PTGER3: variants seen among roughly 807,000 people sequenced by gnomAD.
The protein encoded by PTGER3 is prostaglandin E receptor 3.
Under a neutral mutation model 34.7 loss-of-function variants are expected in PTGER3, and 22 were observed. The observed-to-expected ratio is 0.63, with a 90% confidence interval of 0.45 to 0.91. The LOEUF is 0.91. PTGER3 is among the 40% of genes least tolerant of loss of function. The pLI, the probability that PTGER3 is intolerant of heterozygous loss-of-function variation, is 0.00. For missense variants in PTGER3, 468 were observed against 519.4 expected (o/e 0.90, Z 0.96); for synonymous variants, 241 against 230.1 (o/e 1.05, Z -0.43).
At chr1:70,994,056 C>A (rs1655705352) in intron 2 of PTGER3, among the ~76,000 whole-genome samples, 1 of 152,202 alleles carries the variant, frequency 6.6e-6, no homozygotes, top group Non-Finnish European at 1.5e-5. Context: ...CGGCCAAAGG[C>A]TGCTCTGCTC....
chr1:70,853,096 C>CA (rs1645718348), intron 4 of PTGER3, among the ~76,000 whole-genome samples: 1 of 152,070 alleles, frequency 6.6e-6, no homozygotes, highest in Non-Finnish European at 1.5e-5. Context: ...AATTTTTCTA[C>CA]AAACATCTAC....
intron 4 of PTGER3, among the ~76,000 whole-genome samples, chr1:70,946,864 G>A (rs1304828264): frequency 1.3e-5 from 2 of 152,032 alleles, no homozygotes; most frequent in African/African-American, 2.4e-5. Flanking sequence ...TTATGTTCCC[G>A]GTTCTGCTAT....
At chr1:70,928,684 T>A (rs567174123) in intron 4 of PTGER3, among the ~76,000 whole-genome samples, 2 of 152,162 alleles carry the variant, frequency 1.3e-5, no homozygotes, top group East Asian at 1.9e-4. Flanking sequence ...CTTTCTATTC[T>A]TGGGAAAAGG....
chr1:71,024,237 A>G (rs1172385205), intron 1 of PTGER3, among the ~76,000 whole-genome samples: 2 of 152,174 alleles, frequency 1.3e-5, no homozygotes, highest in Non-Finnish European at 2.9e-5. Flanking sequence ...TGGATCTTTA[A>G]GTCTTAAAAC....
At position 70,974,422 on chromosome 1, in the gene PTGER3, C is replaced by T. The variant is rs751270495; in HGVS notation, c.1078-34G>A. ...AGACAGAGGATTTCACAGGACACTT[C>T]CTTGAGTATTTTTAAAGAAAAGCAA... On this transcript the variant is annotated intron_variant, in intron 2 of 3. Coordinates refer to ENST00000306666, the MANE Select transcript of PTGER3 (RefSeq NM_198719.2). 1.1e-5 allele frequency: 9 copies of T among 833,536 alleles called. No individual in the cohort carries two copies. In the South Asian group the frequency reaches 1.2e-4, roughly 11 times the overall value. The allele number at this position is 833,536 out of a possible 1,614,324, so 51.6% of individuals were successfully genotyped here. A position where few individuals can be genotyped will look rare whatever the true frequency, so the allele number is the denominator to read the frequency against.
At chr1:70,984,724 C>A (rs1450815940) in intron 2 of PTGER3, among the ~76,000 whole-genome samples, 2 of 151,744 alleles carry the variant, frequency 1.3e-5, no homozygotes, top group African/African-American at 2.4e-5. Context: ...GAGACCCTGT[C>A]TCTAGAAATA....
intron 4 of PTGER3, among the ~76,000 whole-genome samples, chr1:70,923,679 T>G (rs1434737625): frequency 2.0e-5 from 3 of 152,242 alleles, no homozygotes; most frequent in African/African-American, 7.2e-5. Flanking sequence ...TTGTTTTGTT[T>G]TTCAGAGTTA....
At chr1:70,866,384 C>T (rs1449211955) in intron 4 of PTGER3, among the ~76,000 whole-genome samples, 1 of 152,202 alleles carries the variant, frequency 6.6e-6, no homozygotes, top group Admixed American at 6.5e-5. Context: ...AAGTCCTAAT[C>T]TTATTTCAGA....
chr1:71,040,065 A>T (rs1660169202), intron 1 of PTGER3, among the ~76,000 whole-genome samples: 1 of 151,600 alleles, frequency 6.6e-6, no homozygotes, highest in Admixed American at 6.6e-5. Context: ...GAAAGAAAGA[A>T]AGAGAGGGAG....
intron 4 of PTGER3, among the ~76,000 whole-genome samples, chr1:70,924,413 A>G (rs1416799388): frequency 6.6e-6 from 1 of 152,118 alleles, no homozygotes; most frequent in Non-Finnish European, 1.5e-5. Context: ...TTGTTTTTAA[A>G]TGTGTTTCTG....
intron 4 of PTGER3, among the ~76,000 whole-genome samples, chr1:70,942,516 G>A (rs533527865): frequency 6.6e-6 from 1 of 152,056 alleles, no homozygotes; most frequent in Non-Finnish European, 1.5e-5. Flanking sequence ...GATAAGCAAT[G>A]CTCACTCTTG....
At chr1:70,912,500 TACTG>T (rs1647081797) in intron 4 of PTGER3, among the ~76,000 whole-genome samples, 1 of 152,086 alleles carries the variant, frequency 6.6e-6, no homozygotes, top group Non-Finnish European at 1.5e-5. Flanking sequence ...CTTTCTTTCC[TACTG>T]ACTATCATAT....
chr1:71,042,960 A>G (rs1660445130), intron 1 of PTGER3, among the ~76,000 whole-genome samples: 1 of 152,218 alleles, frequency 6.6e-6, no homozygotes, highest in Non-Finnish European at 1.5e-5. Flanking sequence ...CTCACTTTTC[A>G]TGATGTTCAT....
Position 70,972,274 on chromosome 1 carries a change from G to C in PTGER3, c.1170-541C>G, listed in dbSNP as rs367964436. Among the ~76,000 whole-genome samples, 163 of 152,238 alleles carry C rather than the reference G, an allele frequency of 1.1e-3. 1 individual carries two copies. The highest frequency in any genetic ancestry group is 3.8e-3 in the African/African-American group (159 of 41,528). ...GGAGGTGGAGGTTGCAGTGAGCCGA[G>C]ATCATGCCACTGCACTCCAGCCTGT... is the stretch of plus-strand genomic sequence containing the variant. On this transcript the variant is annotated intron_variant, in intron 3 of 3. Transcript: ENST00000306666.
In PTGER3 at chr1:71,008,593, G is replaced by T. The variant is rs185149882; in HGVS notation, c.1077+3712C>A. On this transcript the variant is annotated intron_variant, in intron 2 of 3. Transcript: ENST00000306666. Reference sequence around the variant, plus strand: ...GTTATTAAATTTTGTAAATTGGCTCGATCATAACCTATGTCATGAAACATC... The same window carrying T: ...GTTATTAAATTTTGTAAATTGGCTCTATCATAACCTATGTCATGAAACATC... 248 of 984,406 alleles carry T rather than the reference G, an allele frequency of 2.5e-4. 3 individuals carry two copies. The South Asian group carries it at 5.5e-3, about 22-fold the overall frequency. 61.0% of individuals were successfully genotyped at this position (984,406 alleles called of 1,614,324 possible). A position where few individuals can be genotyped will look rare whatever the true frequency, so the allele number is the denominator to read the frequency against.
At position 70,970,819 on chromosome 1, in the gene PTGER3, G is replaced by A; in HGVS notation, c.*911C>T. On this transcript the variant is annotated 3_prime_UTR_variant, in exon 4 of 4. Transcript: ENST00000306666. ...CCACAAAGTTTTTTATTTTAATACA[G>A]ACAAAATAGATTCTTTTATTTTATA... The A allele has an allele frequency of 1.1e-6, 1 of 886,386 alleles. No homozygotes were observed. The highest frequency in any genetic ancestry group is 1.4e-6 in the Non-Finnish European group (1 of 739,760). The allele number at this position is 886,386 out of a possible 1,614,324, so 54.9% of individuals were successfully genotyped here. A position where few individuals can be genotyped will look rare whatever the true frequency, so the allele number is the denominator to read the frequency against.
intron 2 of PTGER3, chr1:71,002,206 G>C (rs905660805): frequency 6.6e-6 from 1 of 152,080 alleles, no homozygotes; most frequent in Non-Finnish European, 1.5e-5. Flanking sequence ...AGGCTGCAAC[G>C]AGTTATGATC....
chr1:70,917,176 G>T, intron 4 of PTGER3, among the ~76,000 whole-genome samples: 1 of 151,020 alleles, frequency 6.6e-6, no homozygotes, highest in Non-Finnish European at 1.5e-5. Context: ...ATCTTTCCTG[G>T]TCCCCCTGCA....
chr1:70,910,568 G>A (rs1476351619), intron 4 of PTGER3, among the ~76,000 whole-genome samples: 2 of 152,102 alleles, frequency 1.3e-5, no homozygotes, highest in East Asian at 3.9e-4. Flanking sequence ...GCCACTGACT[G>A]TAGCTTTGAA....
Sources: allele counts gnomAD v4.1 joint callset (sites outside exome capture counted in the v4.1 genomes callset), GRCh38; gene constraint gnomAD v4.1.1; transcripts MANE v1.5; gene names NCBI Gene and HGNC (gene_info 2026-07-23, HGNC 2026-07-21).